The following SLFN12L variants were observed in gnomAD, a reference collection of about 807,000 sequenced individuals.
SLFN12L encodes the protein schlafen family member 12 like, also known as schlafen family member 12-like.
Under a neutral mutation model 34.8 loss-of-function variants are expected in SLFN12L, and 34 were observed. That is an observed-to-expected ratio of 0.98 (90% confidence interval 0.74 to 1.30). SLFN12L has a LOEUF of 1.30. Among genes scored for constraint, SLFN12L ranks in the 50% most tolerant of loss-of-function variants. The probability of loss-of-function intolerance (pLI) is 0.00; values close to 1 mark genes in which losing one functional copy is unlikely to be tolerated. For synonymous variants in SLFN12L, 259 were observed against 247.5 expected (o/e 1.05, Z -0.44); for missense variants, 703 against 696.2 (o/e 1.01, Z -0.11).
At position 35,465,136 on chromosome 17, in the gene SLFN12L, T is replaced by TC. The variant is rs1364101221; in HGVS notation, c.*9786dup. ...CTCAAGTGATCCGCCTGTCTCGGCC[T>TC]CCCAAAGTGCTGGGATTACAGGCGT... On this transcript the variant is annotated 3_prime_UTR_variant, in exon 5 of 5. Transcript: ENST00000628453. Among the ~76,000 whole-genome samples the TC allele has an allele frequency of 6.6e-6, 1 of 152,208 alleles. No homozygotes were observed. Among genetic ancestry groups the TC allele is most frequent in the Non-Finnish European group, 1.5e-5 (1 of 68,040 alleles).
Position 35,475,053 on chromosome 17 carries a change from G to C in SLFN12L, c.1709C>G (p.Ala570Gly), listed in dbSNP as rs1290461889. 1 of 1,612,862 alleles carries C rather than the reference G, an allele frequency of 6.2e-7. No homozygotes were observed. The highest frequency in any genetic ancestry group is 1.3e-5 in the African/African-American group (1 of 74,958). ...IYPESYYWTT[A>G]QTMKDLEKAL... ...CTTTTCCAAGTCTTTCATTGTTTGA[G>C]CTGTTGTCCAATAGTAGGATTCAGG... The change falls in exon 5 of 5, where the codon GCT (alanine) becomes GGT (glycine). Residue 570 changes from alanine (A) to glycine (G), a missense_variant. Transcript: ENST00000628453.
chr17:35,488,148 G>T (rs1914680685), intron 2 of SLFN12L, among the ~76,000 whole-genome samples: 1 of 152,244 alleles, frequency 6.6e-6, no homozygotes, highest in Admixed American at 6.5e-5. Flanking sequence ...GGCGCAGCTT[G>T]CAGTGAGCCG....
intron 4 of SLFN12L, among the ~76,000 whole-genome samples, chr17:35,477,506 C>T (rs921253524): frequency 1.3e-5 from 2 of 151,968 alleles, no homozygotes; most frequent in Non-Finnish European, 2.9e-5. Flanking sequence ...TTGGAGAAGA[C>T]GTCTGAAATC....
chr17:35,495,183 A>G (rs968205554), intron 2 of SLFN12L, among the ~76,000 whole-genome samples: 1 of 152,112 alleles, frequency 6.6e-6, no homozygotes. Flanking sequence ...TATAGGCATG[A>G]GCCACCACGC....
chr17:35,476,506 GA>G (rs1914024232), intron 4 of SLFN12L, among the ~76,000 whole-genome samples: 1 of 146,542 alleles, frequency 6.8e-6, no homozygotes, highest in Non-Finnish European at 1.5e-5. Flanking sequence ...AGGAAGGAAG[GA>G]AGGAAGGAAG....
At chr17:35,513,368 A>G (rs1915716896) in intron 2 of SLFN12L, among the ~76,000 whole-genome samples, 1 of 147,614 alleles carries the variant, frequency 6.8e-6, no homozygotes, top group Non-Finnish European at 1.5e-5. Flanking sequence ...CCACTATACC[A>G]TAAAAAAAAA....
At chr17:35,483,463 C>T (rs1008730951) in intron 2 of SLFN12L, among the ~76,000 whole-genome samples, 1 of 152,190 alleles carries the variant, frequency 6.6e-6, no homozygotes, top group Non-Finnish European at 1.5e-5. Context: ...ATGAAAAACA[C>T]AGAAGAAGTT....
chr17:35,508,737 C>CTATTTTCCTTGGAGACAGTTT (rs1252727765), intron 2 of SLFN12L, among the ~76,000 whole-genome samples: 7 of 152,106 alleles, frequency 4.6e-5, no homozygotes, highest in African/African-American at 1.7e-4. Flanking sequence ...GGAGACAGTT[C>CTATTTTCCTTGGAGACAGTTT]TCTTTTCCTT....
rs1340073102 is a variant in SLFN12L, at chr17:35,474,891, A to G, written c.*32T>C. 5 of 1,505,340 alleles carry G rather than the reference A, an allele frequency of 3.3e-6. No homozygotes were observed. The Admixed American group carries it at 1.1e-4, about 33-fold the overall frequency. The allele number at this position is 1,505,340 out of a possible 1,614,324, so 93.2% of individuals were successfully genotyped here. On this transcript the variant is annotated 3_prime_UTR_variant, in exon 5 of 5. Transcript: ENST00000628453. ...GGTTGCAGTGAGTCGAGATCGTGTCACTACACTCCAGTCTGGGTGACAGAG... is the reference window on the plus strand; with the variant it reads ...GGTTGCAGTGAGTCGAGATCGTGTCGCTACACTCCAGTCTGGGTGACAGAG...
At chr17:35,510,678 G>A (rs1483685399) in intron 2 of SLFN12L, among the ~76,000 whole-genome samples, 1 of 152,060 alleles carries the variant, frequency 6.6e-6, no homozygotes, top group African/African-American at 2.4e-5. Context: ...CTCTGTGAAT[G>A]TACTAAAAAT....
rs1177100228 is a variant in SLFN12L at position 35,472,185 on chromosome 17, TG to T, written c.*2737del. Among the ~76,000 whole-genome samples, 22 of 152,234 alleles carry T rather than the reference TG, an allele frequency of 1.4e-4. No individual in the cohort carries two copies. The highest frequency in any genetic ancestry group is 5.1e-4 in the African/African-American group (21 of 41,458). ...CCTAGGTTTTCTTCTAGAGTTTTTA[TG>T]GTTTTGAGTTTTGCATTTAAGTCTT... On this transcript the variant is annotated 3_prime_UTR_variant, in exon 5 of 5. Coordinates refer to ENST00000628453, the MANE Select transcript of SLFN12L (RefSeq NM_001363830.2).
rs1328355481 is a variant in SLFN12L, at chr17:35,473,947, C to G, written c.*976G>C. 6.6e-6 allele frequency: 1 copy of G among 152,236 alleles called. No individual in the cohort carries two copies. Among genetic ancestry groups the G allele is most frequent in the Non-Finnish European group, 1.5e-5 (1 of 68,058 alleles). 9.4% of individuals were successfully genotyped at this position (152,236 alleles called of 1,614,324 possible). On this transcript the variant is annotated 3_prime_UTR_variant, in exon 5 of 5. Transcript: ENST00000628453. Reference sequence around the variant, plus strand: ...TTTATTTGCATAGAGATGACAGAGTCTTGCTCTCTTGCCCAAGCTGGAGTG... The same window carrying G: ...TTTATTTGCATAGAGATGACAGAGTGTTGCTCTCTTGCCCAAGCTGGAGTG...
At chr17:35,531,530 A>G (rs11656115) in intron 1 of SLFN12L, among the ~76,000 whole-genome samples, 20,271 of 152,200 alleles carry the variant, frequency 0.13, 1,736 homozygotes, top group South Asian at 0.23. Flanking sequence ...ATTCCTATGG[A>G]CATGTTCTTT....
At chr17:35,493,553 A>G (rs1360051602) in intron 2 of SLFN12L, among the ~76,000 whole-genome samples, 1 of 152,182 alleles carries the variant, frequency 6.6e-6, no homozygotes, top group Non-Finnish European at 1.5e-5. Flanking sequence ...AAGTTCCTTC[A>G]TGCCTAAGAT....
chr17:35,482,375 C>T (rs865798945), intron 2 of SLFN12L, among the ~76,000 whole-genome samples: 15 of 152,228 alleles, frequency 9.9e-5, no homozygotes, highest in Non-Finnish European at 1.6e-4. Context: ...ACAAAGGCTG[C>T]AGCAGGGAGG....
chr17:35,492,357 T>C (rs1162687371), intron 2 of SLFN12L, among the ~76,000 whole-genome samples: 1 of 152,144 alleles, frequency 6.6e-6, no homozygotes, highest in East Asian at 1.9e-4. Context: ...GCAGCAGGCA[T>C]GGGTCCCTCC....
At chr17:35,527,358 T>C (rs2072346523) in intron 1 of SLFN12L, among the ~76,000 whole-genome samples, 1 of 152,180 alleles carries the variant, frequency 6.6e-6, no homozygotes, top group Admixed American at 6.5e-5. Flanking sequence ...TAACTCATTT[T>C]ATGAGGCCAG....
In SLFN12L at chr17:35,465,659, G is replaced by C. The variant is rs912825828; in HGVS notation, c.*9264C>G. 1.3e-5 allele frequency among the ~76,000 whole-genome samples: 2 copies of C among 151,094 alleles called. No individual in the cohort carries two copies. The highest frequency in any genetic ancestry group is 4.9e-5 in the African/African-American group (2 of 41,028). On this transcript the variant is annotated 3_prime_UTR_variant, in exon 5 of 5. Transcript: ENST00000628453. ...CTTGTCCGTTTAACAGCCCAGTGTT[G>C]CCTGTTCTTAAACCTGGAAAATAAT...
rs755665159 is a variant in SLFN12L at position 35,466,345 on chromosome 17, C to T, written c.*8578G>A. Among the ~76,000 whole-genome samples, 29 of 152,266 alleles carry T rather than the reference C, an allele frequency of 1.9e-4. No individual in the cohort carries two copies. The highest frequency in any genetic ancestry group is 6.8e-3 in the Middle Eastern group (2 of 294). On this transcript the variant is annotated 3_prime_UTR_variant, in exon 5 of 5. Coordinates refer to ENST00000628453, the MANE Select transcript of SLFN12L (RefSeq NM_001363830.2). Reference sequence around the variant, plus strand: ...CCCTTAATCCTTGGAAACCACCGATCATTTTACTGTCTCCATAATCTTGCC... The same window carrying T: ...CCCTTAATCCTTGGAAACCACCGATTATTTTACTGTCTCCATAATCTTGCC...
Sources: allele counts gnomAD v4.1 joint callset (sites outside exome capture counted in the v4.1 genomes callset), GRCh38; gene constraint gnomAD v4.1.1; transcripts MANE v1.5; gene names NCBI Gene and HGNC (gene_info 2026-07-23, HGNC 2026-07-21).